Variants in SPICE1 observed in about 807,000 individuals in gnomAD.
SPICE1 encodes the protein spindle and centriole associated protein 1.
SPICE1 carries 75 observed loss-of-function variants against 102.7 expected under a neutral mutation model. That is an observed-to-expected ratio of 0.73 (90% CI 0.61 to 0.88). The LOEUF (loss-of-function observed/expected upper bound fraction) is 0.88. Ranked by LOEUF, SPICE1 falls within the 40% of genes least tolerant of loss-of-function variation. SPICE1 has a pLI of 0.00. For synonymous variants in SPICE1, 308 were observed against 350.3 expected (o/e 0.88, Z 1.35); for missense variants, 979 against 1,020.1 (o/e 0.96, Z 0.55).
chr3:113,514,838 T>C, intron 1 of SPICE1, 59 bp downstream of exon 1: 3 of 1,244,100 alleles, frequency 2.4e-6, no homozygotes, highest in Non-Finnish European at 3.1e-6. Flanking sequence ...CGCACGCGCA[T>C]ACTCGAGGTG....
chr3:113,452,203 T>G (rs1325485764), intron 14 of SPICE1, among the ~76,000 whole-genome samples: 2 of 152,206 alleles, frequency 1.3e-5, no homozygotes, highest in Admixed American at 6.5e-5. Context: ...ACAAAACTCC[T>G]GCACTATAAA....
intron 2 of SPICE1, among the ~76,000 whole-genome samples, chr3:113,505,287 T>C (rs1410871152): frequency 6.6e-6 from 1 of 151,802 alleles, no homozygotes; most frequent in Non-Finnish European, 1.5e-5. Flanking sequence ...AAGTAACCAC[T>C]CTGAAGGGGA....
chr3:113,514,284 G>T (rs1937280838), intron 1 of SPICE1: 1 of 208,348 alleles, frequency 4.8e-6, no homozygotes, highest in Non-Finnish European at 9.8e-6. Context: ...GTTATGACTG[G>T]ACTTAGTAAA....
chr3:113,499,388 C>T, intron 4 of SPICE1, 51 bp downstream of exon 4: 1 of 1,555,818 alleles, frequency 6.4e-7, no homozygotes, highest in Non-Finnish European at 8.7e-7. Flanking sequence ...AAACAAAGAA[C>T]CCTATTTATC....
Position 113,504,708 on chromosome 3 carries a change from A to C in SPICE1, c.100-1481T>G, listed in dbSNP as rs145400972. 2.5e-4 allele frequency among the ~76,000 whole-genome samples: 38 copies of C among 152,320 alleles called. No homozygotes were observed. In the East Asian group the frequency reaches 6.9e-3, roughly 28 times the overall value. On this transcript the variant is annotated intron_variant, in intron 2 of 17. Coordinates refer to ENST00000295872, the MANE Select transcript of SPICE1 (RefSeq NM_144718.4). ...AGTGATAGGCTTGAAATTTGTTCTC[A>C]TGGAAGAAAATAATAATTCCATCAA...
chr3:113,488,922 ATATT>A lies in SPICE1; in HGVS notation c.611+19_611+22del. The A allele has an allele frequency of 7.0e-7, 1 of 1,434,886 alleles. No individual in the cohort carries two copies. Among genetic ancestry groups the A allele is most frequent in the Non-Finnish European group, 9.7e-7 (1 of 1,028,124 alleles). The allele number at this position is 1,434,886 out of a possible 1,614,324, so 88.9% of individuals were successfully genotyped here. On this transcript the variant is annotated intron_variant, in intron 7 of 17. Transcript: ENST00000295872. Reference sequence around the variant, plus strand: ...CATGGAAAAAACCTGAGAGTTGTAAATATTTATGCCATATACACATACCTGTCTG... The same window carrying A: ...CATGGAAAAAACCTGAGAGTTGTAAATATGCCATATACACATACCTGTCTG...
Position 113,488,996 on chromosome 3 carries a change from T to G in SPICE1, c.560A>C (p.Glu187Ala), listed in dbSNP as rs201599681. The G allele has an allele frequency of 4.1e-5, 66 of 1,613,750 alleles. No homozygotes were observed. The highest frequency in any genetic ancestry group is 8.3e-5 in the Admixed American group (5 of 60,016). ...GTTTAGAGAGTTATCCAACTCATTC[T>G]CATTCTCACTTTCTCCTGACTGGCT... ...VNSQSGESEN[E>A]NELDNSLNSQ... The change falls in exon 7 of 18, where the codon GAG becomes GCG. Residue 187 changes from glutamate to alanine, a missense_variant. Glu to Ala is a moderately radical substitution (Grantham distance 107). Transcript: ENST00000295872.
intron 16 of SPICE1, among the ~76,000 whole-genome samples, chr3:113,447,347 A>G (rs1031062247): frequency 1.9e-4 from 29 of 152,192 alleles, no homozygotes; most frequent in African/African-American, 6.3e-4. Flanking sequence ...AAGATCTTGC[A>G]TTAGTGTGAC....
At chr3:113,502,670 A>G (rs1937032318) in intron 3 of SPICE1, among the ~76,000 whole-genome samples, 1 of 147,332 alleles carries the variant, frequency 6.8e-6, no homozygotes, top group South Asian at 2.1e-4. Flanking sequence ...CTTAAAAAAA[A>G]AAAAAAAAAA....
chr3:113,457,442 C>A, intron 12 of SPICE1, 85 bp from the exon 13 acceptor site: 1 of 1,332,892 alleles, frequency 7.5e-7, no homozygotes, highest in South Asian at 1.3e-5. Context: ...AAATGCATCT[C>A]AGTAGAGTGC....
intron 1 of SPICE1, among the ~76,000 whole-genome samples, chr3:113,509,105 T>C (rs1014962063): frequency 2.6e-5 from 4 of 152,214 alleles, no homozygotes; most frequent in African/African-American, 9.6e-5. Context: ...GAGTGACTGC[T>C]AATGGGTATA....
At chr3:113,478,032 C>T (rs1936403440) in intron 7 of SPICE1, among the ~76,000 whole-genome samples, 1 of 145,116 alleles carries the variant, frequency 6.9e-6, no homozygotes, top group African/African-American at 2.5e-5. Flanking sequence ...AAAAAGAAAA[C>T]AAGATTAAGG....
rs185214562 is a variant in SPICE1, at chr3:113,488,628, A to G, written c.611+317T>C. The stretch of plus-strand genomic sequence containing the variant: ...GGAGGGCGGGAGGTAGGTGCGGAAT[A>G]AAAAACTGCATATTGGGTACAATGT... On this transcript the variant is annotated intron_variant, in intron 7 of 17. Transcript: ENST00000295872. Among the ~76,000 whole-genome samples, 12 of 152,288 alleles carry G rather than the reference A, an allele frequency of 7.9e-5. No homozygotes were observed. The South Asian group carries it at 1.0e-3, about 13-fold the overall frequency.
At chr3:113,490,423 TGTGAGCCC>T (rs1936740502) in intron 6 of SPICE1, among the ~76,000 whole-genome samples, 1 of 152,018 alleles carries the variant, frequency 6.6e-6, no homozygotes, top group Non-Finnish European at 1.5e-5. Context: ...AGGAGGATCA[TGTGAGCCC>T]AAGAGTTTGA....
chr3:113,468,177 C>T lies in SPICE1; in HGVS notation c.1117G>A (p.Val373Met). 1.2e-6 allele frequency: 2 copies of T among 1,614,166 alleles called. No homozygotes were observed. The highest frequency in any genetic ancestry group is 2.2e-5 in the South Asian group (2 of 91,086). Residue 373 changes from valine (V) to methionine (M), a missense_variant, in exon 10 of 18, where the codon GTG becomes ATG. By Grantham distance (21) the Val-to-Met change is conservative. Transcript: ENST00000295872. Reference protein sequence around the residue: ...QGLTGFTLSLVSSLCRLVRYL... With the variant: ...QGLTGFTLSLMSSLCRLVRYL... The stretch of plus-strand genomic sequence containing the variant: ...CGAACCAGGCGACAGAGGGAGCTCA[C>T]CAGCGACAAAGTGAAGCCTGTAAGA...
At chr3:113,512,389 T>C (rs1375033758) in intron 1 of SPICE1, among the ~76,000 whole-genome samples, 1 of 150,892 alleles carries the variant, frequency 6.6e-6, no homozygotes, top group Non-Finnish European at 1.5e-5. Context: ...ACCCCACCTT[T>C]GCACTGAAAA....
At chr3:113,479,147 G>A (rs867312578) in intron 7 of SPICE1, among the ~76,000 whole-genome samples, 3 of 121,942 alleles carry the variant, frequency 2.5e-5, no homozygotes, top group East Asian at 5.1e-4. Flanking sequence ...CACAACAGTC[G>A]CCAGTGTGTG....
chr3:113,491,645 A>G (rs867736518), intron 6 of SPICE1, among the ~76,000 whole-genome samples: 1 of 150,710 alleles, frequency 6.6e-6, no homozygotes, highest in African/African-American at 2.5e-5. Flanking sequence ...AAAAAAAAAA[A>G]AAAAGATTAT....
intron 15 of SPICE1, chr3:113,448,951 A>G (rs1470305098): frequency 6.6e-6 from 1 of 152,208 alleles, no homozygotes; most frequent in East Asian, 1.9e-4. Flanking sequence ...ACTGGACAGG[A>G]AAGAACGCAG....
Sources: gnomAD v4.1 joint callset for allele counts (sites outside exome capture counted in the v4.1 genomes callset) on GRCh38, gnomAD v4.1.1 for gene constraint, MANE v1.5 for transcripts, NCBI Gene and HGNC (gene_info 2026-07-23, HGNC 2026-07-21) for gene names.